Variants in SFT2D3 observed in about 807,000 individuals in gnomAD.
The protein encoded by SFT2D3 is vesicle transport protein SFT2C.
For missense variants in SFT2D3, 405 were observed against 334.6 expected (o/e 1.21, Z -1.64); for synonymous variants, 239 against 191.2 (o/e 1.25, Z -2.06).
Position 127,702,101 on chromosome 2 carries a change from C to T in SFT2D3, c.573C>T (p.Gly191=), listed in dbSNP as rs1303974911. 10 of 1,216,646 alleles carry T rather than the reference C, an allele frequency of 8.2e-6. No individual in the cohort carries two copies. The highest frequency in any genetic ancestry group is 6.3e-5 in the African/African-American group (4 of 63,300). The allele number at this position is 1,216,646 out of a possible 1,614,324, so 75.4% of individuals were successfully genotyped here. ...LAALVGLLPW[G]GGTALRLALG... ...CGCTGGTTGGGCTGCTGCCCTGGGG[C>T]GGCGGCACCGCGCTGCGCCTCGCAC... The change falls in exon 1 of 1, where the codon GGC becomes GGT. Residue 191 remains glycine, a synonymous_variant. Transcript: ENST00000310981.
rs1401437506 is a variant in SFT2D3 at position 127,704,659 on chromosome 2, G to A, written c.*2483G>A. The A allele has an allele frequency of 6.0e-6, 1 of 167,046 alleles. No individual in the cohort carries two copies. Among genetic ancestry groups the A allele is most frequent in the African/African-American group, 2.4e-5 (1 of 41,458 alleles). 10.3% of individuals were successfully genotyped at this position (167,046 alleles called of 1,614,324 possible). On this transcript the variant is annotated 3_prime_UTR_variant, in exon 1 of 1. Transcript: ENST00000310981. ...CTAGATTCTAACACTGAAAAGCAGT[G>A]TATATGGCTGACATTTTCTCACTCC... is the stretch of plus-strand genomic sequence containing the variant.
Position 127,702,074 on chromosome 2 carries a change from C to T in SFT2D3, c.546C>T (p.Ala182=), listed in dbSNP as rs1210589033. The T allele has an allele frequency of 1.6e-6, 2 of 1,220,804 alleles. No homozygotes were observed. Among genetic ancestry groups the T allele is most frequent in the Non-Finnish European group, 1.0e-6 (1 of 981,840 alleles). 75.6% of individuals were successfully genotyped at this position (1,220,804 alleles called of 1,614,324 possible). Residue 182 remains alanine (A), a synonymous_variant, in exon 1 of 1, where the codon GCC becomes GCT. Coordinates refer to ENST00000310981, the MANE Select transcript of SFT2D3 (RefSeq NM_032740.4). The part of the protein sequence containing the change: ...GAGAQVAALL[A]ALVGLLPWGG... ...GCGCGCAGGTGGCCGCGCTGCTGGC[C>T]GCGCTGGTTGGGCTGCTGCCCTGGG...
At position 127,702,197 on chromosome 2, in the gene SFT2D3, TG is replaced by T; in HGVS notation, c.*25del. On this transcript the variant is annotated 3_prime_UTR_variant, in exon 1 of 1. Transcript: ENST00000310981. The stretch of plus-strand genomic sequence containing the variant: ...TGTGAGGACCTCGCGCCCTCGCCGC[TG>T]GGGAAGTACGCGGAGCCAGCGCCGT... 8.2e-7 allele frequency: 1 copy of T among 1,213,404 alleles called. No individual in the cohort carries two copies. Among genetic ancestry groups the T allele is most frequent in the Non-Finnish European group, 1.0e-6 (1 of 973,580 alleles). 75.2% of individuals were successfully genotyped at this position (1,213,404 alleles called of 1,614,324 possible). A position where few individuals can be genotyped will look rare whatever the true frequency, so the allele number is the denominator to read the frequency against.
In SFT2D3 at chr2:127,701,587, C is replaced by G; in HGVS notation, c.59C>G (p.Pro20Arg). 1 of 1,330,700 alleles carries G rather than the reference C, an allele frequency of 7.5e-7. No homozygotes were observed. Among genetic ancestry groups the G allele is most frequent in the South Asian group, 1.8e-5 (1 of 55,180 alleles). The allele number at this position is 1,330,700 out of a possible 1,614,324, so 82.4% of individuals were successfully genotyped here. ...EYLAQGKAGG[P>R]AAAEPLLAAE... is the part of the protein sequence containing the mutation. ...CTGGCGCAGGGGAAAGCTGGCGGCC[C>G]GGCGGCCGCGGAGCCGCTGCTCGCC... The change falls in exon 1 of 1, where the codon CCG becomes CGG. Residue 20 changes from proline to arginine, a missense_variant. Coordinates refer to ENST00000310981, the MANE Select transcript of SFT2D3 (RefSeq NM_032740.4).
chr2:127,705,120 A>C lies in SFT2D3; in HGVS notation c.*2944A>C, dbSNP rs1198983189. 6.0e-6 allele frequency: 1 copy of C among 167,122 alleles called. No homozygotes were observed. Among genetic ancestry groups the C allele is most frequent in the Non-Finnish European group, 1.5e-5 (1 of 68,136 alleles). The allele number at this position is 167,122 out of a possible 1,614,324, so 10.4% of individuals were successfully genotyped here. On this transcript the variant is annotated 3_prime_UTR_variant, in exon 1 of 1. Coordinates refer to ENST00000310981, the MANE Select transcript of SFT2D3 (RefSeq NM_032740.4). The surrounding 1 kb of genome is among the most constrained non-coding windows in gnomAD (Gnocchi z 4.5). ...ACTTCCAGCACCACTAAATTTGCCA[A>C]ATAAATTTGACTGATGCCAAAACTG... is the stretch of plus-strand genomic sequence containing the variant.
Position 127,701,562 on chromosome 2 carries a change from C to G in SFT2D3, c.34C>G (p.Leu12Val). ...ADLHRQLQEY[L>V]AQGKAGGPAA... is the part of the protein sequence containing the mutation. ...CCTCCACCGCCAGCTGCAGGAGTAC[C>G]TGGCGCAGGGGAAAGCTGGCGGCCC... The change falls in exon 1 of 1, where the codon CTG becomes GTG. Residue 12 changes from leucine (L) to valine (V), a missense_variant. Transcript: ENST00000310981. 1 of 1,368,980 alleles carries G rather than the reference C, an allele frequency of 7.3e-7. No homozygotes were observed. Among genetic ancestry groups the G allele is most frequent in the Non-Finnish European group, 9.4e-7 (1 of 1,059,704 alleles). 84.8% of individuals were successfully genotyped at this position (1,368,980 alleles called of 1,614,324 possible). A position where few individuals can be genotyped will look rare whatever the true frequency, so the allele number is the denominator to read the frequency against.
In SFT2D3 at chr2:127,701,591, G is replaced by T; in HGVS notation, c.63G>T (p.Ala21=). The T allele has an allele frequency of 7.4e-7, 1 of 1,358,512 alleles. No individual in the cohort carries two copies. 84.2% of individuals were successfully genotyped at this position (1,358,512 alleles called of 1,614,324 possible). A position where few individuals can be genotyped will look rare whatever the true frequency, so the allele number is the denominator to read the frequency against. The stretch of plus-strand genomic sequence containing the variant: ...CGCAGGGGAAAGCTGGCGGCCCGGC[G>T]GCCGCGGAGCCGCTGCTCGCCGCGG... ...YLAQGKAGGP[A]AAEPLLAAEK... The change falls in exon 1 of 1, where the codon GCG becomes GCT. Residue 21 remains alanine, a synonymous_variant. Coordinates refer to ENST00000310981, the MANE Select transcript of SFT2D3 (RefSeq NM_032740.4).
Position 127,701,745 on chromosome 2 carries a change from CGCGGGCAGCGGCTGGCGGCGGGCG to C in SFT2D3, c.223_246del (p.Gln75_Gly82del). ...CCTGACGTGCCTCCCGAGCGTGACG[CGCGGGCAGCGGCTGGCGGCGGGCG>C]GCGGGTGCCTGCTGCTGGCTGCACT... On this transcript the variant is annotated inframe_deletion, in exon 1 of 1. Coordinates refer to ENST00000310981, the MANE Select transcript of SFT2D3 (RefSeq NM_032740.4). 3 of 1,413,710 alleles carry C rather than the reference CGCGGGCAGCGGCTGGCGGCGGGCG, an allele frequency of 2.1e-6. No individual in the cohort carries two copies. Among genetic ancestry groups the C allele is most frequent in the Non-Finnish European group, 9.2e-7 (1 of 1,083,578 alleles). The allele number at this position is 1,413,710 out of a possible 1,614,324, so 87.6% of individuals were successfully genotyped here. A position where few individuals can be genotyped will look rare whatever the true frequency, so the allele number is the denominator to read the frequency against.
chr2:127,701,958 C>A lies in SFT2D3; in HGVS notation c.430C>A (p.Arg144=), dbSNP rs764085699. The part of the protein sequence containing the change: ...RLLRCEEAPS[R]PALLYMAALG... ...GCTGCGCTGCGAAGAAGCGCCGTCC[C>A]GGCCCGCGCTGCTCTACATGGCAGC... Residue 144 remains arginine, a synonymous_variant, in exon 1 of 1, where the codon CGG becomes AGG. Transcript: ENST00000310981. The A allele has an allele frequency of 5.7e-6, 8 of 1,398,274 alleles. No homozygotes were observed. The South Asian group carries it at 1.0e-4, about 18-fold the overall frequency. 86.6% of individuals were successfully genotyped at this position (1,398,274 alleles called of 1,614,324 possible).
At position 127,704,785 on chromosome 2, in the gene SFT2D3, A is replaced by T. The variant is rs1172506714; in HGVS notation, c.*2609A>T. ...ATCAGTATGCCTTTTCTAAGCAACC[A>T]TTGAAACTTCCAGCACCAGCGGCCA... On this transcript the variant is annotated 3_prime_UTR_variant, in exon 1 of 1. Transcript: ENST00000310981. 6.0e-6 allele frequency: 1 copy of T among 167,094 alleles called. No individual in the cohort carries two copies. Among genetic ancestry groups the T allele is most frequent in the Non-Finnish European group, 1.5e-5 (1 of 68,116 alleles). The allele number at this position is 167,094 out of a possible 1,614,324, so 10.4% of individuals were successfully genotyped here. A position where few individuals can be genotyped will look rare whatever the true frequency, so the allele number is the denominator to read the frequency against.
At position 127,701,917 on chromosome 2, in the gene SFT2D3, C is replaced by CGGCGT. The variant is rs1343828958; in HGVS notation, c.391_395dup (p.Cys132TrpfsTer164). On this transcript the variant is annotated frameshift_variant, in exon 1 of 1. Coordinates refer to ENST00000310981, the MANE Select transcript of SFT2D3 (RefSeq NM_032740.4). LOFTEE classifies it low-confidence loss of function (END_TRUNC). The stretch of plus-strand genomic sequence containing the variant: ...GGAAGCGCGCTGCTGCGGGGCGGCG[C>CGGCGT]GGCGTGCGGACGCCTGCTGCGCTGC... 5 of 1,446,446 alleles carry CGGCGT rather than the reference C, an allele frequency of 3.5e-6. No individual in the cohort carries two copies. The highest frequency in any genetic ancestry group is 4.5e-6 in the Non-Finnish European group (5 of 1,106,096). The allele number at this position is 1,446,446 out of a possible 1,614,324, so 89.6% of individuals were successfully genotyped here. A position where few individuals can be genotyped will look rare whatever the true frequency, so the allele number is the denominator to read the frequency against.
chr2:127,701,836 TGC>T lies in SFT2D3; in HGVS notation c.317_318del (p.Arg106GlnfsTer134). Reference sequence around the variant, plus strand: ...GCGCTCTACGCACCGGTGTTGCTGCTGCGCGCGCGCAAGTTCGCGCTGCTCTG... The same window carrying T: ...GCGCTCTACGCACCGGTGTTGCTGCTGCGCGCGCAAGTTCGCGCTGCTCTG... On this transcript the variant is annotated frameshift_variant, in exon 1 of 1. Transcript: ENST00000310981. LOFTEE classifies it low-confidence loss of function (END_TRUNC). 2.7e-6 allele frequency: 4 copies of T among 1,458,754 alleles called. No individual in the cohort carries two copies. Among genetic ancestry groups the T allele is most frequent in the Admixed American group, 2.4e-5 (1 of 41,026 alleles). 90.4% of individuals were successfully genotyped at this position (1,458,754 alleles called of 1,614,324 possible).
In SFT2D3 at chr2:127,701,919, G is replaced by C. The variant is rs918882840; in HGVS notation, c.391G>C (p.Ala131Pro). The C allele has an allele frequency of 4.2e-6, 6 of 1,443,436 alleles. No individual in the cohort carries two copies. The highest frequency in any genetic ancestry group is 4.5e-6 in the Non-Finnish European group (5 of 1,104,786). 89.4% of individuals were successfully genotyped at this position (1,443,436 alleles called of 1,614,324 possible). A position where few individuals can be genotyped will look rare whatever the true frequency, so the allele number is the denominator to read the frequency against. ...AGSALLRGGA[A>P]CGRLLRCEEA... Reference sequence around the variant, plus strand: ...AAGCGCGCTGCTGCGGGGCGGCGCGGCGTGCGGACGCCTGCTGCGCTGCGA... The same window carrying C: ...AAGCGCGCTGCTGCGGGGCGGCGCGCCGTGCGGACGCCTGCTGCGCTGCGA... The change falls in exon 1 of 1, where the codon GCG (alanine) becomes CCG (proline). Residue 131 changes from alanine to proline, a missense_variant. Coordinates refer to ENST00000310981, the MANE Select transcript of SFT2D3 (RefSeq NM_032740.4).
chr2:127,704,748 C>G lies in SFT2D3; in HGVS notation c.*2572C>G, dbSNP rs1337143724. On this transcript the variant is annotated 3_prime_UTR_variant, in exon 1 of 1. Transcript: ENST00000310981. Reference sequence around the variant, plus strand: ...AGAGAACCAGTTAAATTTTCATATCCTGTTAAACTATATCAGTATGCCTTT... The same window carrying G: ...AGAGAACCAGTTAAATTTTCATATCGTGTTAAACTATATCAGTATGCCTTT... 1.8e-5 allele frequency: 3 copies of G among 167,034 alleles called. No homozygotes were observed. In the East Asian group the frequency reaches 5.8e-4, roughly 32 times the overall value. The allele number at this position is 167,034 out of a possible 1,614,324, so 10.3% of individuals were successfully genotyped here. A position where few individuals can be genotyped will look rare whatever the true frequency, so the allele number is the denominator to read the frequency against.
Position 127,701,695 on chromosome 2 carries a change from G to T in SFT2D3, c.167G>T (p.Ser56Ile). The T allele has an allele frequency of 7.6e-7, 1 of 1,318,738 alleles. No homozygotes were observed. Among genetic ancestry groups the T allele is most frequent in the South Asian group, 2.0e-5 (1 of 49,438 alleles). 81.7% of individuals were successfully genotyped at this position (1,318,738 alleles called of 1,614,324 possible). A position where few individuals can be genotyped will look rare whatever the true frequency, so the allele number is the denominator to read the frequency against. Residue 56 changes from serine (S) to isoleucine (I), a missense_variant, in exon 1 of 1, where the codon AGC (serine) becomes ATC (isoleucine). Physicochemically the swap from Ser to Ile is moderately radical, Grantham distance 142 (BLOSUM62 -2). Coordinates refer to ENST00000310981, the MANE Select transcript of SFT2D3 (RefSeq NM_032740.4). ...RAGLRWTWAR[S>I]PAESAAAGLT... is the part of the protein sequence containing the mutation. ...GGCTTGCGCTGGACGTGGGCGCGGA[G>T]CCCTGCGGAGTCGGCAGCGGCCGGC... is the stretch of plus-strand genomic sequence containing the variant.
At position 127,701,825 on chromosome 2, in the gene SFT2D3, G is replaced by C; in HGVS notation, c.297G>C (p.Pro99=). 6.9e-7 allele frequency: 1 copy of C among 1,457,676 alleles called. No homozygotes were observed. The highest frequency in any genetic ancestry group is 9.0e-7 in the Non-Finnish European group (1 of 1,109,146). The allele number at this position is 1,457,676 out of a possible 1,614,324, so 90.3% of individuals were successfully genotyped here. Residue 99 remains proline (P), a synonymous_variant, in exon 1 of 1, where the codon CCG becomes CCC. Transcript: ENST00000310981. ...LCFGLAALYA[P]VLLLRARKFA... ...TCGGCCTAGCCGCGCTCTACGCACC[G>C]GTGTTGCTGCTGCGCGCGCGCAAGT...
chr2:127,701,838 C>CT lies in SFT2D3; in HGVS notation c.310_311insT (p.Arg104LeufsTer137). The CT allele has an allele frequency of 6.9e-7, 1 of 1,457,940 alleles. No individual in the cohort carries two copies. 90.3% of individuals were successfully genotyped at this position (1,457,940 alleles called of 1,614,324 possible). On this transcript the variant is annotated frameshift_variant, in exon 1 of 1. Transcript: ENST00000310981. LOFTEE classifies it low-confidence loss of function (END_TRUNC). ...GCTCTACGCACCGGTGTTGCTGCTGCGCGCGCGCAAGTTCGCGCTGCTCTG... is the reference window on the plus strand; with the variant it reads ...GCTCTACGCACCGGTGTTGCTGCTGCTGCGCGCGCAAGTTCGCGCTGCTCTG...
rs552119166 is a variant in SFT2D3 at position 127,701,567 on chromosome 2, G to A, written c.39G>A (p.Ala13=). The part of the protein sequence containing the change: ...DLHRQLQEYL[A]QGKAGGPAAA... ...ACCGCCAGCTGCAGGAGTACCTGGCGCAGGGGAAAGCTGGCGGCCCGGCGG... is the reference window on the plus strand; with the variant it reads ...ACCGCCAGCTGCAGGAGTACCTGGCACAGGGGAAAGCTGGCGGCCCGGCGG... Residue 13 remains alanine, a synonymous_variant, in exon 1 of 1, where the codon GCG becomes GCA. Coordinates refer to ENST00000310981, the MANE Select transcript of SFT2D3 (RefSeq NM_032740.4). 8.7e-5 allele frequency: 118 copies of A among 1,361,318 alleles called. No individual in the cohort carries two copies. The East Asian group carries it at 3.0e-3, about 35-fold the overall frequency. 84.3% of individuals were successfully genotyped at this position (1,361,318 alleles called of 1,614,324 possible).
rs1441524524 is a variant in SFT2D3, at chr2:127,701,663, C to A, written c.135C>A (p.Gly45=). ...ACCGGCCGGCGGAGGAGTGGCTGGG[C>A]CGCGCGGGCTTGCGCTGGACGTGGG... is the stretch of plus-strand genomic sequence containing the variant. ...PGDRPAEEWL[G]RAGLRWTWAR... Residue 45 remains glycine (G), a synonymous_variant, in exon 1 of 1, where the codon GGC becomes GGA. Transcript: ENST00000310981. 7.7e-7 allele frequency: 1 copy of A among 1,292,096 alleles called. No homozygotes were observed. The highest frequency in any genetic ancestry group is 2.4e-5 in the South Asian group (1 of 42,084). The allele number at this position is 1,292,096 out of a possible 1,614,324, so 80.0% of individuals were successfully genotyped here. A position where few individuals can be genotyped will look rare whatever the true frequency, so the allele number is the denominator to read the frequency against.
Sources: allele counts gnomAD v4.1 joint callset, GRCh38; gene constraint gnomAD v4.1.1; non-coding constraint Gnocchi (gnomAD v3.1); transcripts MANE v1.5; gene names NCBI Gene and HGNC (gene_info 2026-07-23, HGNC 2026-07-21).